Variants in SCIN observed in about 807,000 individuals in gnomAD.
SCIN encodes scinderin.
In SCIN, 91 loss-of-function variants were observed where a neutral mutation model predicts 91.8. That is an observed-to-expected ratio of 0.99 (90% CI 0.84 to 1.18). The LOEUF (loss-of-function observed/expected upper bound fraction) is 1.18, where lower values mean the gene tolerates loss of function less well. Among genes scored for constraint, SCIN ranks in the 50% most tolerant of loss-of-function variants. SCIN has a pLI of 0.00. For missense variants in SCIN, 1,087 were observed against 863.9 expected (o/e 1.26, Z -3.24); for synonymous variants, 367 against 312.6 (o/e 1.17, Z -1.84).
chr7:12,610,062 A>G (rs1325178304), intron 4 of SCIN, among the ~76,000 whole-genome samples: 2 of 152,346 alleles, frequency 1.3e-5, no homozygotes, highest in East Asian at 3.9e-4. Context: ...GAGGCCAGAG[A>G]GCATGGTCTG....
At chr7:12,621,500 T>C (rs1388622653) in intron 4 of SCIN, among the ~76,000 whole-genome samples, 4 of 152,130 alleles carry the variant, frequency 2.6e-5, no homozygotes, top group Non-Finnish European at 5.9e-5. Context: ...TAACACAAAC[T>C]GTTTATTCCT....
chr7:12,599,757 T>A (rs936295836), intron 3 of SCIN, among the ~76,000 whole-genome samples: 2 of 152,118 alleles, frequency 1.3e-5, no homozygotes, highest in Non-Finnish European at 2.9e-5. Flanking sequence ...TGATTTGCAT[T>A]TCTCTGATGA....
intron 10 of SCIN, among the ~76,000 whole-genome samples, chr7:12,638,464 G>A (rs1783796550): frequency 6.6e-6 from 1 of 152,160 alleles, no homozygotes; most frequent in Non-Finnish European, 1.5e-5. Context: ...ATGCAGTGAT[G>A]TTTCTGATAC....
chr7:12,649,958 A>G (rs1215607689), intron 14 of SCIN, among the ~76,000 whole-genome samples: 1 of 151,216 alleles, frequency 6.6e-6, no homozygotes, highest in Non-Finnish European at 1.5e-5. Flanking sequence ...TCCCCTGGGG[A>G]AGAAACAGGC....
chr7:12,653,100 CAAA>C lies in SCIN; in HGVS notation c.*403_*405del, dbSNP rs878921328. 26 of 69,616 alleles carry C rather than the reference CAAA, an allele frequency of 3.7e-4. No homozygotes were observed. Among genetic ancestry groups the C allele is most frequent in the African/African-American group, 8.4e-4 (19 of 22,674 alleles). 4.3% of individuals were successfully genotyped at this position (69,616 alleles called of 1,614,324 possible). ...AGCCTGGGCAACAGAGACTCTGTCT[CAAA>C]AAAAAAAAAAAAAAAAATTAACCTC... is the stretch of plus-strand genomic sequence containing the variant. On this transcript the variant is annotated 3_prime_UTR_variant, in exon 16 of 16. Transcript: ENST00000297029. The surrounding 1 kb of genome is among the most constrained non-coding windows in gnomAD (Gnocchi z 4.1).
intron 9 of SCIN, among the ~76,000 whole-genome samples, chr7:12,633,154 G>A (rs1398792759): frequency 3.3e-5 from 5 of 152,084 alleles, no homozygotes; most frequent in Non-Finnish European, 7.3e-5. Flanking sequence ...AGTCCAAGAG[G>A]CAGAGTTAAA....
At chr7:12,631,622 C>A (rs1266323398) in intron 9 of SCIN, among the ~76,000 whole-genome samples, 1 of 152,148 alleles carries the variant, frequency 6.6e-6, no homozygotes, top group Non-Finnish European at 1.5e-5. Flanking sequence ...TACTCAACCC[C>A]CTCACTGTGT....
At chr7:12,580,160 C>T (rs964305193) in intron 2 of SCIN, among the ~76,000 whole-genome samples, 4 of 151,694 alleles carry the variant, frequency 2.6e-5, no homozygotes, top group Middle Eastern at 3.4e-3. Context: ...TCTAATTTTC[C>T]GTACCATTAT....
rs1272579381 is a variant in SCIN at position 12,570,836 on chromosome 7, C to T, written c.50C>T (p.Ala17Val). ...HEEFARAGKQ[A>V]GLQVWRIEKL... The stretch of plus-strand genomic sequence containing the variant: ...GAGTTCGCCCGGGCGGGCAAGCAGG[C>T]GGGGCTGCAGGTCTGGAGGATTGAG... The change falls in exon 1 of 16, where the codon GCG (alanine) becomes GTG (valine). Residue 17 changes from alanine to valine, a missense_variant. Physicochemically the swap from Ala to Val is moderately conservative, Grantham distance 64 (BLOSUM62 0). Coordinates refer to ENST00000297029, the MANE Select transcript of SCIN (RefSeq NM_001112706.3). 1.3e-5 allele frequency: 20 copies of T among 1,551,438 alleles called. No individual in the cohort carries two copies. The highest frequency in any genetic ancestry group is 3.9e-5 in the Admixed American group (2 of 50,984).
chr7:12,638,172 A>C (rs1783790236), intron 10 of SCIN, among the ~76,000 whole-genome samples: 1 of 152,200 alleles, frequency 6.6e-6, no homozygotes, highest in Non-Finnish European at 1.5e-5. Context: ...GACTTCAAGA[A>C]GACCCTATTT....
chr7:12,574,241 A>G (rs1194057230), intron 1 of SCIN, among the ~76,000 whole-genome samples: 1 of 152,152 alleles, frequency 6.6e-6, no homozygotes, highest in Non-Finnish European at 1.5e-5. Context: ...GATACATACA[A>G]CAACTTGGAT....
chr7:12,578,199 A>G lies in SCIN; in HGVS notation c.335A>G (p.Lys112Arg), dbSNP rs1430570867. The change falls in exon 2 of 16, where the codon AAA becomes AGA. Residue 112 changes from lysine (K) to arginine (R), a missense_variant. Lys to Arg is a conservative substitution (Grantham distance 26). Transcript: ENST00000297029. ...YESNDFVSYFKGGLKYKAGGV... is the reference protein window; with the variant it reads ...YESNDFVSYFRGGLKYKAGGV... ...TCTAATGACTTTGTTAGCTATTTCA[A>G]AGGCGGTCTGAAATACAAGGTAAGC... 2.6e-6 allele frequency: 4 copies of G among 1,547,256 alleles called. No homozygotes were observed. The East Asian group carries it at 7.4e-5, about 29-fold the overall frequency.
At chr7:12,627,086 G>C (rs1440639030) in intron 8 of SCIN, among the ~76,000 whole-genome samples, 1 of 111,628 alleles carries the variant, frequency 9.0e-6, no homozygotes, top group Non-Finnish European at 1.9e-5. Context: ...TGAGAAATGT[G>C]TGTATACACA....
chr7:12,626,472 A>G, intron 7 of SCIN, 112 bp from the exon 8 acceptor site: 1 of 837,330 alleles, frequency 1.2e-6, no homozygotes. Flanking sequence ...TGAGCTTGAT[A>G]GCTAAACCAG....
intron 3 of SCIN, among the ~76,000 whole-genome samples, chr7:12,583,866 A>G (rs1027828486): frequency 5.9e-5 from 9 of 152,186 alleles, no homozygotes; most frequent in African/African-American, 2.2e-4. Context: ...TATTTTATAT[A>G]GTTAATTATC....
intron 4 of SCIN, among the ~76,000 whole-genome samples, chr7:12,620,247 A>G (rs888138137): frequency 6.6e-6 from 1 of 152,228 alleles, no homozygotes; most frequent in East Asian, 1.9e-4. Flanking sequence ...AATTTCAAGT[A>G]TAAACTACAT....
intron 3 of SCIN, among the ~76,000 whole-genome samples, chr7:12,586,734 A>T (rs906639809): frequency 2.0e-5 from 3 of 152,200 alleles, no homozygotes; most frequent in African/African-American, 7.2e-5. Flanking sequence ...CAATGGAACA[A>T]TAATCAGCCA....
intron 1 of SCIN, chr7:12,571,538 A>G (rs1782271001): frequency 2.2e-6 from 1 of 446,226 alleles, no homozygotes; most frequent in Non-Finnish European, 4.6e-6. Context: ...GGGCTTCTTT[A>G]AAACAGGATT....
intron 3 of SCIN, among the ~76,000 whole-genome samples, chr7:12,582,462 T>C (rs1271871471): frequency 1.3e-5 from 2 of 152,200 alleles, no homozygotes; most frequent in African/African-American, 4.8e-5. Context: ...AGCGTGCATC[T>C]ATAGTTTTAT....
Sources: gnomAD v4.1 joint callset for allele counts (sites outside exome capture counted in the v4.1 genomes callset) on GRCh38, gnomAD v4.1.1 for gene constraint, Gnocchi (gnomAD v3.1) non-coding constraint, MANE v1.5 for transcripts, NCBI Gene and HGNC (gene_info 2026-07-23, HGNC 2026-07-21) for gene names.